The following IP6K1 variants were observed in gnomAD, a reference collection of about 807,000 sequenced individuals.
IP6K1 encodes ATP:1D-myo-inositol-hexakisphosphate phosphotransferase.
A neutral mutation model predicts 38.3 loss-of-function variants in IP6K1; 13 were observed. The ratio of observed to expected loss-of-function variants is 0.34; its 90% confidence interval spans 0.22 to 0.54. The LOEUF is 0.54. IP6K1 is among the 20% of genes least tolerant of loss of function. IP6K1 has a pLI of 0.92. For missense variants in IP6K1, 397 were observed against 599.8 expected, an observed-to-expected ratio of 0.66 and a Z score of 3.53; for synonymous variants, 212 against 229.9, an observed-to-expected ratio of 0.92 and a Z score of 0.70.
At position 49,727,206 on chromosome 3, in the gene IP6K1, C is replaced by T. The variant is rs1225430924; in HGVS notation, c.1242G>A (p.Val414=). ...TFKGFRDDPT[V]HDGPDRGYVF... ...CGTAGCCTCTGTCTGGCCCATCATG[C>T]ACGGTGGGGTCATCCCGGAAGCCCT... Residue 414 remains valine (V), a synonymous_variant, in exon 6 of 6, where the codon GTG becomes GTA. Transcript: ENST00000321599. The surrounding 1 kb of genome is among the most constrained non-coding windows in gnomAD (Gnocchi z 5.9). The T allele has an allele frequency of 1.2e-6, 2 of 1,614,176 alleles. No individual in the cohort carries two copies. The highest frequency in any genetic ancestry group is 1.7e-6 in the Non-Finnish European group (2 of 1,180,044).
chr3:49,773,600 C>T (rs2080978490), intron 1 of IP6K1, among the ~76,000 whole-genome samples: 1 of 152,196 alleles, frequency 6.6e-6, no homozygotes, highest in Non-Finnish European at 1.5e-5. Context: ...GCCTGGGCAA[C>T]AGAGCAAGAC....
intron 1 of IP6K1, among the ~76,000 whole-genome samples, chr3:49,783,459 T>A (rs996692377): frequency 6.6e-6 from 1 of 151,588 alleles, no homozygotes; most frequent in Non-Finnish European, 1.5e-5. Flanking sequence ...TCGCCTGTAA[T>A]CCCAGCACTT....
At chr3:49,746,275 C>T (rs138613711) in intron 2 of IP6K1, among the ~76,000 whole-genome samples, 42 of 151,428 alleles carry the variant, frequency 2.8e-4, no homozygotes, top group African/African-American at 9.2e-4. Flanking sequence ...CAGCATTATT[C>T]GCAATAGCCA....
intron 1 of IP6K1, among the ~76,000 whole-genome samples, chr3:49,751,264 T>G (rs1216687524): frequency 6.6e-6 from 1 of 152,102 alleles, no homozygotes; most frequent in African/African-American, 2.4e-5. Flanking sequence ...CAAGCGATTC[T>G]CGTGCCTCAG....
At chr3:49,772,561 C>G (rs2080969825) in intron 1 of IP6K1, among the ~76,000 whole-genome samples, 1 of 151,680 alleles carries the variant, frequency 6.6e-6, no homozygotes, top group African/African-American at 2.4e-5. Flanking sequence ...TGCTGCCACA[C>G]CCAGCTAATT....
chr3:49,732,623 G>GA (rs1174909738), intron 4 of IP6K1, among the ~76,000 whole-genome samples, 168 bp downstream of exon 4: 3 of 151,992 alleles, frequency 2.0e-5, no homozygotes, highest in East Asian at 1.9e-4. Flanking sequence ...CAAAAGGCAG[G>GA]AAAAAAACAT....
chr3:49,737,600 T>A (rs985693101), intron 3 of IP6K1, among the ~76,000 whole-genome samples: 1 of 152,140 alleles, frequency 6.6e-6, no homozygotes, highest in Non-Finnish European at 1.5e-5. Flanking sequence ...GCAGGAGAAT[T>A]GCTTGAACCC....
chr3:49,731,480 A>G (rs1329988271), intron 4 of IP6K1, among the ~76,000 whole-genome samples: 1 of 152,162 alleles, frequency 6.6e-6, no homozygotes, highest in African/African-American at 2.4e-5. Context: ...GGCTGCAGAA[A>G]TATCTCAACA....
intron 1 of IP6K1, among the ~76,000 whole-genome samples, chr3:49,754,793 T>C (rs2080808386): frequency 6.6e-6 from 1 of 152,164 alleles, no homozygotes; most frequent in Admixed American, 6.6e-5. Flanking sequence ...ATTCTTTAGT[T>C]GGGCAGGCAC....
chr3:49,748,227 G>A, intron 1 of IP6K1, 59 bp from the exon 2 acceptor site: 1 of 629,740 alleles, frequency 1.6e-6, no homozygotes, highest in Non-Finnish European at 2.8e-6. Flanking sequence ...CAATTTCCCT[G>A]GAGCTCCATG....
intron 2 of IP6K1, among the ~76,000 whole-genome samples, chr3:49,742,324 C>T (rs548196261): frequency 6.2e-4 from 95 of 152,042 alleles, no homozygotes; most frequent in Non-Finnish European, 8.1e-4. Context: ...CTGAGGGGGG[C>T]GGATCACGAG....
At chr3:49,732,650 G>T in intron 4 of IP6K1, 141 bp downstream of exon 4, 1 of 608,446 alleles carries the variant, frequency 1.6e-6, no homozygotes, top group East Asian at 3.0e-5. Flanking sequence ...GAAAGTAAAC[G>T]AAGGAAGAGG....
intron 1 of IP6K1, among the ~76,000 whole-genome samples, chr3:49,770,303 T>C (rs1575325237): frequency 6.6e-6 from 1 of 152,172 alleles, no homozygotes; most frequent in South Asian, 2.1e-4. Flanking sequence ...ATGTTGCTAG[T>C]AATGGAACAA....
rs13317088 is a variant in IP6K1 at position 49,783,420 on chromosome 3, G to A, written c.-129+2934C>T. On this transcript the variant is annotated intron_variant, in intron 1 of 5. Coordinates refer to ENST00000321599, the MANE Select transcript of IP6K1 (RefSeq NM_153273.4). ...CAGGGGCTTGGGACAATTTTGAAAA[G>A]CTAATATTTTTGCTGGGTGCAGTAG... Among the ~76,000 whole-genome samples the A allele has an allele frequency of 2.7e-3, 407 of 151,452 alleles. 1 individual carries two copies. The highest frequency in any genetic ancestry group is 9.4e-3 in the African/African-American group (387 of 41,286).
At chr3:49,771,188 CA>C (rs35601566) in intron 1 of IP6K1, among the ~76,000 whole-genome samples, 29,135 of 71,420 alleles carry the variant, frequency 0.41, 3,377 homozygotes, top group Non-Finnish European at 0.47. Context: ...AACTCAGTAA[CA>C]AAAAAAAAAA....
At chr3:49,739,946 C>T (rs1208014088) in intron 2 of IP6K1, among the ~76,000 whole-genome samples, 4 of 152,034 alleles carry the variant, frequency 2.6e-5, no homozygotes, top group Non-Finnish European at 2.9e-5. Flanking sequence ...AGCCGGGAGA[C>T]GGAGGTTGCA....
chr3:49,771,188 C>CAAAAAAAAAAAA (rs35601566), intron 1 of IP6K1, among the ~76,000 whole-genome samples: 1 of 72,508 alleles, frequency 1.4e-5, no homozygotes, highest in African/African-American at 4.9e-5. Flanking sequence ...AACTCAGTAA[C>CAAAAAAAAAAAA]AAAAAAAAAA....
At chr3:49,776,589 A>C (rs535936176) in intron 1 of IP6K1, among the ~76,000 whole-genome samples, 12 of 152,232 alleles carry the variant, frequency 7.9e-5, no homozygotes, top group Admixed American at 2.6e-4. Flanking sequence ...ACTTATTTAC[A>C]GTATGATAAT....
At chr3:49,744,316 G>A (rs1027418901) in intron 2 of IP6K1, among the ~76,000 whole-genome samples, 1 of 140,862 alleles carries the variant, frequency 7.1e-6, no homozygotes, top group Non-Finnish European at 1.5e-5. Context: ...GCAGAAGAAT[G>A]GCGTGAACCC....
Sources: gnomAD v4.1 joint callset for allele counts (sites outside exome capture counted in the v4.1 genomes callset) on GRCh38, gnomAD v4.1.1 for gene constraint, Gnocchi (gnomAD v3.1) non-coding constraint, MANE v1.5 for transcripts, NCBI Gene and HGNC (gene_info 2026-07-23, HGNC 2026-07-21) for gene names.